SFI1: variants seen among roughly 807,000 people sequenced by gnomAD.
SFI1 encodes the protein protein SFI1 homolog.
SFI1 carries 195 observed loss-of-function variants against 207.5 expected under a neutral mutation model. That is an observed-to-expected ratio of 0.94 (90% CI 0.84 to 1.06). The LOEUF is 1.06. SFI1 is among the 50% of genes least tolerant of loss of function. The pLI, the probability that SFI1 is intolerant of heterozygous loss-of-function variation, is 0.00. For synonymous variants in SFI1, 630 were observed against 598.9 expected (o/e 1.05, Z -0.76); for missense variants, 1,634 against 1,588.0 (o/e 1.03, Z -0.49).
In SFI1 at chr22:31,576,600, C is replaced by T. The variant is rs569822388; in HGVS notation, c.1084+1208C>T. 4.6e-5 allele frequency among the ~76,000 whole-genome samples: 7 copies of T among 152,048 alleles called. No individual in the cohort carries two copies. In the South Asian group the frequency reaches 1.0e-3, roughly 23 times the overall value. ...CCTCTTAAAGTACTGGGATTACCGGCGTGAGCCACCGCGTCCAGCTCTATG... is the reference window on the plus strand; with the variant it reads ...CCTCTTAAAGTACTGGGATTACCGGTGTGAGCCACCGCGTCCAGCTCTATG... On this transcript the variant is annotated intron_variant, in intron 10 of 32. Coordinates refer to ENST00000400288, the MANE Select transcript of SFI1 (RefSeq NM_001007467.3).
In SFI1 at chr22:31,575,499, G is replaced by A. The variant is rs967177220; in HGVS notation, c.1084+107G>A. 1.1e-5 allele frequency: 13 copies of A among 1,186,390 alleles called. No individual in the cohort carries two copies. In the East Asian group the frequency reaches 1.3e-4, roughly 12 times the overall value. The allele number at this position is 1,186,390 out of a possible 1,614,324, so 73.5% of individuals were successfully genotyped here. On this transcript the variant is annotated intron_variant, in intron 10 of 32. Transcript: ENST00000400288. ...GATACATGGGAAACAATTGCCAAAC[G>A]ATTCAAAACAGCCTTATCTCTGTTG...
At chr22:31,592,459 ACCCCCTCACCTCCCTCCCGGATGGGGCG>A (rs1249624567) in intron 15 of SFI1, among the ~76,000 whole-genome samples, 4 of 29,470 alleles carry the variant, frequency 1.4e-4, no homozygotes, top group South Asian at 3.0e-3. Context: ...CGGGGGGCCG[ACCCCCTCACCTCCCTCCCGGATGGGGCG>A]GCTGGCCGGG....
intron 2 of SFI1, among the ~76,000 whole-genome samples, chr22:31,513,361 G>A (rs900648986): frequency 2.0e-5 from 3 of 151,938 alleles, no homozygotes; most frequent in Admixed American, 6.6e-5. Context: ...GTTTCACCAC[G>A]TTGCCTAGGC....
At chr22:31,558,703 T>C (rs2061400302) in intron 7 of SFI1, among the ~76,000 whole-genome samples, 1 of 152,160 alleles carries the variant, frequency 6.6e-6, no homozygotes, top group Non-Finnish European at 1.5e-5. Context: ...TGTCTCGAAC[T>C]CCTGACCTCA....
intron 2 of SFI1, among the ~76,000 whole-genome samples, chr22:31,513,466 A>C (rs1601935808): frequency 6.6e-6 from 1 of 152,064 alleles, no homozygotes; most frequent in South Asian, 2.1e-4. Flanking sequence ...ATTTTTTGTG[A>C]TGAGAAGATT....
At chr22:31,590,090 C>T (rs2065638341) in intron 15 of SFI1, among the ~76,000 whole-genome samples, 1 of 151,666 alleles carries the variant, frequency 6.6e-6, no homozygotes, top group Non-Finnish European at 1.5e-5. Context: ...CGCAGGCAGG[C>T]AGGAAGCAAA....
At chr22:31,575,087 T>G (rs1393877764) in intron 9 of SFI1, 144 bp from the exon 10 acceptor site, 5 of 398 alleles carry the variant, frequency 0.013, no homozygotes, top group Non-Finnish European at 0.028. Flanking sequence ...ACTTAGTGCG[T>G]GTGTGTGTGT....
intron 8 of SFI1, among the ~76,000 whole-genome samples, chr22:31,562,009 A>C (rs960447490): frequency 6.6e-6 from 1 of 152,240 alleles, no homozygotes; most frequent in African/African-American, 2.4e-5. Flanking sequence ...ATGTAGGAAT[A>C]GTATCTTCTT....
At chr22:31,533,382 T>C (rs1440767186) in intron 4 of SFI1, among the ~76,000 whole-genome samples, 1 of 151,902 alleles carries the variant, frequency 6.6e-6, no homozygotes, top group East Asian at 1.9e-4. Flanking sequence ...ACAAAGAAAT[T>C]AGCCAGGCAT....
At chr22:31,498,170 C>T (rs1469459796) in intron 1 of SFI1, among the ~76,000 whole-genome samples, 2 of 152,110 alleles carry the variant, frequency 1.3e-5, no homozygotes, top group Admixed American at 6.6e-5. Flanking sequence ...TGGCGGGCAC[C>T]CATAATCCCA....
Position 31,588,133 on chromosome 22 carries a change from A to G in SFI1, c.1414-1314A>G, listed in dbSNP as rs928629113. ...GGTTTCTGCTCCAAGATCAGCCTCA[A>G]CTGAAAAGATTCTAATGGCAAGGGG... is the stretch of plus-strand genomic sequence containing the variant. On this transcript the variant is annotated intron_variant, in intron 14 of 32. Transcript: ENST00000400288. Among the ~76,000 whole-genome samples, 6 of 152,206 alleles carry G rather than the reference A, an allele frequency of 3.9e-5. 1 individual carries two copies. The South Asian group carries it at 1.0e-3, about 26-fold the overall frequency.
intron 12 of SFI1, 137 bp downstream of exon 12, chr22:31,580,501 T>C: frequency 1.6e-6 from 1 of 609,378 alleles, no homozygotes; most frequent in Non-Finnish European, 2.9e-6. Context: ...GACTGTCAAC[T>C]GTAAAACCTT....
chr22:31,521,851 C>T (rs2057307940), intron 2 of SFI1, among the ~76,000 whole-genome samples: 1 of 151,884 alleles, frequency 6.6e-6, no homozygotes, highest in African/African-American at 2.4e-5. Flanking sequence ...GTAACCTCCA[C>T]CTCCTAGGTT....
At chr22:31,508,181 C>T in intron 1 of SFI1, 74 bp from the exon 2 acceptor site, 3 of 793,596 alleles carry the variant, frequency 3.8e-6, no homozygotes, top group Middle Eastern at 2.3e-4. Flanking sequence ...TAGGAGCTGG[C>T]ATATAGTTCA....
rs370653415 is a variant in SFI1 at position 31,613,669 on chromosome 22, G to A, written c.2810G>A (p.Arg937Gln). The A allele has an allele frequency of 2.5e-5, 41 of 1,608,734 alleles. No individual in the cohort carries two copies. Among genetic ancestry groups the A allele is most frequent in the Middle Eastern group, 1.7e-4 (1 of 6,014 alleles). ...CTCTGGAAACAGAAAGTGCTGGGCC[G>A]GGGCGGGAAGCCTCAGCCCCTGGCA... ...ATLWKQKVLG[R>Q]GGKPQPLAAI... Residue 937 changes from arginine to glutamine, a missense_variant, in exon 27 of 33, where the codon CGG becomes CAG. Arg to Gln is a conservative substitution (Grantham distance 43). Coordinates refer to ENST00000400288, the MANE Select transcript of SFI1 (RefSeq NM_001007467.3).
rs764290821 is a variant in SFI1 at position 31,618,157 on chromosome 22, G to C, written c.3555G>C (p.Glu1185Asp). ...CGAGCAGCCTGCGCAGGTGGCTGGA[G>C]CTGAACAGAGAGGAGCCGGGGCCTG... ...RQASSLRRWL[E>D]LNREEPGPED... is the part of the protein sequence containing the mutation. Residue 1185 changes from glutamate (E) to aspartate (D), a missense_variant, in exon 32 of 33, where the codon GAG (glutamate) becomes GAC (aspartate). Physicochemically the swap from Glu to Asp is conservative, Grantham distance 45. Coordinates refer to ENST00000400288, the MANE Select transcript of SFI1 (RefSeq NM_001007467.3). The C allele has an allele frequency of 6.3e-7, 1 of 1,591,196 alleles. No homozygotes were observed. Among genetic ancestry groups the C allele is most frequent in the East Asian group, 2.3e-5 (1 of 44,116 alleles).
chr22:31,536,328 GT>G (rs1186586350), intron 4 of SFI1, among the ~76,000 whole-genome samples: 1 of 152,202 alleles, frequency 6.6e-6, no homozygotes, highest in Non-Finnish European at 1.5e-5. Context: ...TTCTCCTGTT[GT>G]TAGGTTCCTC....
chr22:31,611,237 C>T lies in SFI1; in HGVS notation c.2349C>T (p.His783=), dbSNP rs2147250314. Residue 783 remains histidine, a synonymous_variant, in exon 23 of 33, where the codon CAC becomes CAT. Coordinates refer to ENST00000400288, the MANE Select transcript of SFI1 (RefSeq NM_001007467.3). ...TGGAGAGGGCAGTGCAACACCACCA[C>T]CGGCAGCTGCTGCTGGAGGGGCTGG... ...LQLERAVQHH[H]RQLLLEGLAR... is the part of the protein sequence containing the mutation. 2 of 1,613,676 alleles carry T rather than the reference C, an allele frequency of 1.2e-6. No individual in the cohort carries two copies. Among genetic ancestry groups the T allele is most frequent in the South Asian group, 1.1e-5 (1 of 91,064 alleles).
rs1243900537 is a variant in SFI1 at position 31,614,672 on chromosome 22, T to C, written c.2997-117T>C. On this transcript the variant is annotated intron_variant, in intron 27 of 32. Transcript: ENST00000400288. The stretch of plus-strand genomic sequence containing the variant: ...CCCACCCCAGCTTACTTGCTGACCT[T>C]GGCCTCGCCTTTCCTGACTTTCAGT... The C allele has an allele frequency of 7.4e-6, 9 of 1,210,142 alleles. No individual in the cohort carries two copies. The East Asian group carries it at 2.2e-4, about 30-fold the overall frequency. The allele number at this position is 1,210,142 out of a possible 1,614,324, so 75.0% of individuals were successfully genotyped here.
Sources: gnomAD v4.1 joint callset for allele counts (sites outside exome capture counted in the v4.1 genomes callset) on GRCh38, gnomAD v4.1.1 for gene constraint, MANE v1.5 for transcripts, NCBI Gene and HGNC (gene_info 2026-07-23, HGNC 2026-07-21) for gene names.